Variants in RASGRF2 observed in about 807,000 individuals in gnomAD.
RASGRF2 encodes ras-specific guanine nucleotide-releasing factor 2.
Under a neutral mutation model 151.0 loss-of-function variants are expected in RASGRF2, and 76 were observed. That is an observed-to-expected ratio of 0.50 (90% CI 0.42 to 0.61). The LOEUF (loss-of-function observed/expected upper bound fraction) is 0.61, where lower values mean the gene tolerates loss of function less well. RASGRF2 is among the 20% of genes least tolerant of loss of function. RASGRF2 has a pLI of 0.00. For synonymous variants in RASGRF2, 504 were observed against 566.5 expected, an observed-to-expected ratio of 0.89 and a Z score of 1.57; for missense variants, 1,148 against 1,564.6, an observed-to-expected ratio of 0.73 and a Z score of 4.49.
At chr5:81,033,130 G>A (rs1580230516) in intron 1 of RASGRF2, among the ~76,000 whole-genome samples, 1 of 150,790 alleles carries the variant, frequency 6.6e-6, no homozygotes, top group East Asian at 1.9e-4. Context: ...ACAAACCACT[G>A]CTCAACGAAA....
In RASGRF2 at chr5:81,207,229, T is replaced by G; in HGVS notation, c.2968-17T>G. ...CCCTCTCCTGGGTGTTTCATTTCCCTCCCTCATCTCTTGCAGACTGACTGC... is the reference window on the plus strand; with the variant it reads ...CCCTCTCCTGGGTGTTTCATTTCCCGCCCTCATCTCTTGCAGACTGACTGC... On this transcript the variant is annotated splice_polypyrimidine_tract_variant and intron_variant, in intron 20 of 26. Transcript: ENST00000265080. 6.2e-7 allele frequency: 1 copy of G among 1,612,420 alleles called. No homozygotes were observed. Among genetic ancestry groups the G allele is most frequent in the Non-Finnish European group, 8.5e-7 (1 of 1,178,540 alleles).
intron 7 of RASGRF2, among the ~76,000 whole-genome samples, chr5:81,083,951 G>A (rs1435249542): frequency 6.6e-6 from 1 of 152,192 alleles, no homozygotes; most frequent in African/African-American, 2.4e-5. Context: ...GGTTTTGGGG[G>A]AAGAGATTTA....
intron 2 of RASGRF2, among the ~76,000 whole-genome samples, chr5:81,064,595 T>TC (rs1332617590): frequency 6.6e-6 from 1 of 152,176 alleles, no homozygotes; most frequent in East Asian, 1.9e-4. Context: ...TGTCTGCTAT[T>TC]CCTTGTTTCT....
chr5:81,085,759 C>T, intron 7 of RASGRF2, 43 bp from the exon 8 acceptor site: 2 of 1,611,066 alleles, frequency 1.2e-6, no homozygotes, highest in South Asian at 2.2e-5. Context: ...GCCCTGTCAC[C>T]CATCCTGATG....
Position 81,027,202 on chromosome 5 carries a change from T to A in RASGRF2, c.289-15675T>A, listed in dbSNP as rs183152884. On this transcript the variant is annotated intron_variant, in intron 1 of 26. Transcript: ENST00000265080. ...TGGTGGTTGCATGACTTTGTACATTTGTTAAAACCCATAGAACCCTAATAA... is the reference window on the plus strand; with the variant it reads ...TGGTGGTTGCATGACTTTGTACATTAGTTAAAACCCATAGAACCCTAATAA... 2.0e-5 allele frequency among the ~76,000 whole-genome samples: 3 copies of A among 150,340 alleles called. No homozygotes were observed. In the East Asian group the frequency reaches 6.0e-4, roughly 30 times the overall value.
chr5:81,208,687 G>A (rs981300585), intron 22 of RASGRF2, among the ~76,000 whole-genome samples: 1 of 151,720 alleles, frequency 6.6e-6, no homozygotes, highest in South Asian at 2.1e-4. Context: ...GAGTAGCTGG[G>A]ATTACAGGTG....
chr5:81,159,383 G>A (rs935974619), intron 17 of RASGRF2, among the ~76,000 whole-genome samples: 4 of 152,172 alleles, frequency 2.6e-5, no homozygotes, highest in African/African-American at 2.4e-5. Context: ...GCTGTGTTCC[G>A]GTAAAACCTT....
intron 17 of RASGRF2, among the ~76,000 whole-genome samples, chr5:81,134,513 C>T (rs1180010897): frequency 6.6e-6 from 1 of 152,052 alleles, no homozygotes; most frequent in Non-Finnish European, 1.5e-5. Context: ...AACCTGGGAA[C>T]TTACTGGAAA....
chr5:81,100,327 A>G (rs143467523), intron 12 of RASGRF2, among the ~76,000 whole-genome samples: 15 of 152,214 alleles, frequency 9.9e-5, no homozygotes, highest in African/African-American at 3.6e-4. Context: ...GTTCCTGAGT[A>G]TTGCTACAAT....
intron 1 of RASGRF2, among the ~76,000 whole-genome samples, chr5:81,029,789 A>G (rs188517553): frequency 2.0e-5 from 3 of 152,370 alleles, no homozygotes; most frequent in East Asian, 3.9e-4. Context: ...GCAAAGCTGG[A>G]CAGAGAATGA....
At chr5:81,006,883 T>G (rs752586242) in intron 1 of RASGRF2, among the ~76,000 whole-genome samples, 2 of 152,176 alleles carry the variant, frequency 1.3e-5, no homozygotes, top group African/African-American at 2.4e-5. Context: ...TTTTATAGAC[T>G]TGTCACAAAC....
chr5:81,021,785 A>C (rs1749835269), intron 1 of RASGRF2, among the ~76,000 whole-genome samples: 1 of 152,220 alleles, frequency 6.6e-6, no homozygotes, highest in African/African-American at 2.4e-5. Context: ...AAGGAGTTTA[A>C]TAATCATAGG....
chr5:81,003,284 G>A lies in RASGRF2; in HGVS notation c.289-39593G>A, dbSNP rs187216532. On this transcript the variant is annotated intron_variant, in intron 1 of 26. Coordinates refer to ENST00000265080, the MANE Select transcript of RASGRF2 (RefSeq NM_006909.3). ...GTCGCCCAGGCTGGAGTGCAATGGC[G>A]CGATCTCGGCTCACTGCAAGCTCCG... Among the ~76,000 whole-genome samples, 286 of 146,426 alleles carry A rather than the reference G, an allele frequency of 2.0e-3. 6 individuals carry two copies. In the East Asian group the frequency reaches 0.047, roughly 24 times the overall value.
At chr5:81,025,951 C>T (rs1390633596) in intron 1 of RASGRF2, among the ~76,000 whole-genome samples, 9 of 151,712 alleles carry the variant, frequency 5.9e-5, no homozygotes, top group African/African-American at 1.7e-4. Flanking sequence ...CCTCCCCACA[C>T]GGCCCTTTCG....
chr5:81,202,391 G>A (rs1232000474), intron 19 of RASGRF2, among the ~76,000 whole-genome samples: 1 of 152,140 alleles, frequency 6.6e-6, no homozygotes, highest in Non-Finnish European at 1.5e-5. Context: ...GAATGTTTGT[G>A]TCATCCACAG....
At chr5:80,992,197 C>G (rs772815456) in intron 1 of RASGRF2, among the ~76,000 whole-genome samples, 2 of 146,852 alleles carry the variant, frequency 1.4e-5, no homozygotes, top group Non-Finnish European at 2.9e-5. Context: ...CACACACACA[C>G]AGAGACAAGA....
chr5:81,202,800 C>T (rs1267916771), intron 19 of RASGRF2, among the ~76,000 whole-genome samples: 1 of 152,230 alleles, frequency 6.6e-6, no homozygotes, highest in Non-Finnish European at 1.5e-5. Context: ...AAGATGGAGG[C>T]AGAGACTGAG....
At chr5:81,152,676 G>A (rs1489780568) in intron 17 of RASGRF2, among the ~76,000 whole-genome samples, 2 of 152,116 alleles carry the variant, frequency 1.3e-5, no homozygotes, top group East Asian at 1.9e-4. Context: ...TGACAAAATT[G>A]TACAAAATTA....
chr5:81,214,762 G>T (rs1027885010), intron 23 of RASGRF2, among the ~76,000 whole-genome samples: 1 of 152,176 alleles, frequency 6.6e-6, no homozygotes, highest in Non-Finnish European at 1.5e-5. Flanking sequence ...GCCTGGATGT[G>T]GGTATTCCCA....
Sources: gnomAD v4.1 joint callset for allele counts (sites outside exome capture counted in the v4.1 genomes callset) on GRCh38, gnomAD v4.1.1 for gene constraint, MANE v1.5 for transcripts, NCBI Gene and HGNC (gene_info 2026-07-23, HGNC 2026-07-21) for gene names.